MMP24: variants seen among roughly 807,000 people sequenced by gnomAD.
The protein encoded by MMP24 is matrix metallopeptidase 24.
Under a neutral mutation model 62.8 loss-of-function variants are expected in MMP24, and 25 were observed. That is an observed-to-expected ratio of 0.40 (90% CI 0.29 to 0.56). MMP24 has a LOEUF of 0.56. Among genes scored for constraint, MMP24 ranks in the 20% least tolerant of loss-of-function variants. The pLI, the probability that MMP24 is intolerant of heterozygous loss-of-function variation, is 0.50. For missense variants in MMP24, 634 were observed against 853.6 expected (o/e 0.74, Z 3.21); for synonymous variants, 319 against 350.5 (o/e 0.91, Z 1.00).
chr20:35,259,768 G>T (rs2060593129), intron 4 of MMP24, among the ~76,000 whole-genome samples: 1 of 152,118 alleles, frequency 6.6e-6, no homozygotes, highest in Non-Finnish European at 1.5e-5. Context: ...GACTGCTGGG[G>T]ACTTGCTCGG....
intron 2 of MMP24, among the ~76,000 whole-genome samples, chr20:35,251,132 T>C (rs78573402): frequency 4.0e-5 from 6 of 151,734 alleles, no homozygotes; most frequent in East Asian, 1.9e-4. Flanking sequence ...TTTTTTTTTT[T>C]CCTGAAACGG....
intron 1 of MMP24, 114 bp from the exon 2 acceptor site, chr20:35,246,726 G>A (rs905318581): frequency 3.0e-5 from 37 of 1,213,224 alleles, no homozygotes; most frequent in Non-Finnish European, 4.0e-5. Flanking sequence ...CTCAGAGCAT[G>A]AGTCCAGGAG....
At position 35,274,666 on chromosome 20, in the gene MMP24, G is replaced by T; in HGVS notation, c.*57G>T. The T allele has an allele frequency of 7.0e-7, 1 of 1,426,744 alleles. No individual in the cohort carries two copies. The highest frequency in any genetic ancestry group is 1.4e-5 in the South Asian group (1 of 73,270). 88.4% of individuals were successfully genotyped at this position (1,426,744 alleles called of 1,614,324 possible). ...TGGCCAGCCAGGCCCTTCCTCACCA[G>T]GGTCTGAGGGGCAGCTCTGGCCAGT... On this transcript the variant is annotated 3_prime_UTR_variant, in exon 9 of 9. Coordinates refer to ENST00000246186, the MANE Select transcript of MMP24 (RefSeq NM_006690.4). The surrounding 1 kb of genome is among the most constrained non-coding windows in gnomAD (Gnocchi z 5.1).
At chr20:35,261,142 C>A (rs1279727348) in intron 4 of MMP24, among the ~76,000 whole-genome samples, 1 of 152,182 alleles carries the variant, frequency 6.6e-6, no homozygotes, top group Admixed American at 6.5e-5. Context: ...CTCCCTACCC[C>A]CTGCATTTTC....
At chr20:35,268,096 A>G (rs1279380426) in intron 6 of MMP24, 1 of 152,482 alleles carries the variant, frequency 6.6e-6, no homozygotes, top group East Asian at 1.9e-4. Flanking sequence ...ACAGAGGCCC[A>G]TGGCAGCCTC....
chr20:35,261,795 CTTTTTTTTTTT>C (rs11335936), intron 4 of MMP24, among the ~76,000 whole-genome samples: 7 of 88,964 alleles, frequency 7.9e-5, no homozygotes, highest in African/African-American at 3.8e-4. Flanking sequence ...TCAGGGCATC[CTTTTTTTTTTT>C]TTTTTTTTTT....
intron 2 of MMP24, among the ~76,000 whole-genome samples, chr20:35,249,901 A>G (rs1030734402): frequency 7.9e-5 from 12 of 151,772 alleles, no homozygotes; most frequent in East Asian, 1.9e-4. Context: ...CCCGGGAATA[A>G]TAATTTCTGT....
intron 4 of MMP24, among the ~76,000 whole-genome samples, chr20:35,261,368 C>G (rs1289578718): frequency 6.6e-6 from 1 of 152,218 alleles, no homozygotes; most frequent in Admixed American, 6.5e-5. Context: ...TCATACCACG[C>G]ACTTCACGTG....
chr20:35,271,546 T>C lies in MMP24; in HGVS notation c.1334-23T>C, dbSNP rs201791734. 1 of 1,605,368 alleles carries C rather than the reference T, an allele frequency of 6.2e-7. No homozygotes were observed. The highest frequency in any genetic ancestry group is 1.7e-5 in the Admixed American group (1 of 59,372). ...GGCACTGAGTGACTGGGGAAGCTGA[T>C]CCTGGGCTCCTCTTGGCCACAGGTG... On this transcript the variant is annotated intron_variant, in intron 7 of 8. Transcript: ENST00000246186. The surrounding 1 kb of genome is among the most constrained non-coding windows in gnomAD (Gnocchi z 4.0).
intron 8 of MMP24, among the ~76,000 whole-genome samples, chr20:35,273,633 G>T (rs929559038): frequency 6.6e-6 from 1 of 152,160 alleles, no homozygotes; most frequent in African/African-American, 2.4e-5. Flanking sequence ...CCCTAGCCAC[G>T]GTGGGAAGCC....
Position 35,246,869 on chromosome 20 carries a change from T to C in MMP24, c.276T>C (p.Leu92=), listed in dbSNP as rs147213806. The part of the protein sequence containing the change: ...QNWLKSYGYL[L]PYDSRASALH... Reference sequence around the variant, plus strand: ...GGTTAAAGTCCTATGGCTATCTGCTTCCCTATGACTCACGGGCATCTGCGC... The same window carrying C: ...GGTTAAAGTCCTATGGCTATCTGCTCCCCTATGACTCACGGGCATCTGCGC... Residue 92 remains leucine, a synonymous_variant, in exon 2 of 9, where the codon CTT becomes CTC. Transcript: ENST00000246186. The C allele has an allele frequency of 3.8e-4, 612 of 1,614,008 alleles. 7 individuals carry two copies. In the East Asian group the frequency reaches 8.6e-3, roughly 23 times the overall value.
At chr20:35,255,436 C>T (rs750005540) in intron 4 of MMP24, among the ~76,000 whole-genome samples, 11 of 152,128 alleles carry the variant, frequency 7.2e-5, no homozygotes, top group African/African-American at 1.4e-4. Context: ...ATGAATGACA[C>T]GACTGGCTCT....
chr20:35,274,061 A>T lies in MMP24; in HGVS notation c.1601-211A>T, dbSNP rs1054328927. Among the ~76,000 whole-genome samples, 23 of 152,126 alleles carry T rather than the reference A, an allele frequency of 1.5e-4. No individual in the cohort carries two copies. The highest frequency in any genetic ancestry group is 7.2e-4 in the Admixed American group (11 of 15,300). ...CCTGAAGCCCCTCTGGTTTCCTAGC[A>T]CCCGTAGGATGACAGGCGGACCACT... On this transcript the variant is annotated intron_variant, in intron 8 of 8. Coordinates refer to ENST00000246186, the MANE Select transcript of MMP24 (RefSeq NM_006690.4). This position sits in a 1 kb window ranked among gnomAD's most constrained non-coding sequence, Gnocchi z 5.1.
intron 1 of MMP24, among the ~76,000 whole-genome samples, chr20:35,231,391 A>T (rs2060436644): frequency 6.6e-6 from 1 of 152,204 alleles, no homozygotes; most frequent in South Asian, 2.1e-4. Flanking sequence ...GCACCAACGT[A>T]TTCCCAAATC....
At chr20:35,253,385 G>A (rs2060558629) in intron 3 of MMP24, among the ~76,000 whole-genome samples, 1 of 143,548 alleles carries the variant, frequency 7.0e-6, no homozygotes, top group Non-Finnish European at 1.5e-5. Flanking sequence ...TTTTTTTCCA[G>A]AAATCTGACA....
chr20:35,273,952 G>A lies in MMP24; in HGVS notation c.1601-320G>A, dbSNP rs189710950. The stretch of plus-strand genomic sequence containing the variant: ...TGAGCGGGGCAAGGGGGACCTGTGC[G>A]CACAGTGTGACAGAGCTGTGACCCA... On this transcript the variant is annotated intron_variant, in intron 8 of 8. Coordinates refer to ENST00000246186, the MANE Select transcript of MMP24 (RefSeq NM_006690.4). Among the ~76,000 whole-genome samples, 7 of 152,330 alleles carry A rather than the reference G, an allele frequency of 4.6e-5. No individual in the cohort carries two copies. In the East Asian group the frequency reaches 5.8e-4, roughly 13 times the overall value.
intron 4 of MMP24, among the ~76,000 whole-genome samples, chr20:35,258,696 T>C (rs956295949): frequency 7.2e-5 from 11 of 152,094 alleles, no homozygotes; most frequent in Non-Finnish European, 1.6e-4. Context: ...AGCAAATACA[T>C]ATGATGCAGA....
At chr20:35,252,864 T>G (rs1214827735) in intron 3 of MMP24, among the ~76,000 whole-genome samples, 1 of 38,842 alleles carries the variant, frequency 2.6e-5, no homozygotes, top group East Asian at 6.4e-4. Flanking sequence ...CAGGCTCAGG[T>G]GGGGCTGGGG....
chr20:35,254,302 C>T, intron 3 of MMP24, 148 bp from the exon 4 acceptor site: 2 of 786,926 alleles, frequency 2.5e-6, no homozygotes, highest in South Asian at 3.5e-5. Flanking sequence ...CTCTGTTACT[C>T]AGCCTCTTCT....
Sources: allele counts gnomAD v4.1 joint callset (sites outside exome capture counted in the v4.1 genomes callset), GRCh38; gene constraint gnomAD v4.1.1; non-coding constraint Gnocchi (gnomAD v3.1); transcripts MANE v1.5; gene names NCBI Gene and HGNC (gene_info 2026-07-23, HGNC 2026-07-21).